Variants in C6orf132 observed in about 807,000 individuals in gnomAD.
The protein encoded by C6orf132 is chromosome 6 open reading frame 132, also known as uncharacterized protein C6orf132.
C6orf132 carries 43 observed loss-of-function variants against 65.3 expected under a neutral mutation model. The observed-to-expected ratio is 0.66, with a 90% CI of 0.52 to 0.85. C6orf132 has a LOEUF of 0.85. Ranked by LOEUF, C6orf132 falls within the 40% of genes least tolerant of loss-of-function variation. The pLI is 0.00. For missense variants in C6orf132, 1,488 were observed against 1,548.8 expected (o/e 0.96, Z 0.66); for synonymous variants, 631 against 654.1 (o/e 0.96, Z 0.54).
At position 42,105,065 on chromosome 6, in the gene C6orf132, T is replaced by C. The variant is rs987114583; in HGVS notation, c.2847A>G (p.Val949=). 5 of 1,536,536 alleles carry C rather than the reference T, an allele frequency of 3.3e-6. No homozygotes were observed. Among genetic ancestry groups the C allele is most frequent in the African/African-American group, 2.7e-5 (2 of 72,912 alleles). Residue 949 remains valine, a synonymous_variant, in exon 4 of 5, where the codon GTA becomes GTG. Transcript: ENST00000341865. ...EPQAPVAWER[V]APSNLPQGHP... ...GGCCCTGGGGGAGGTTGGAGGGAGC[T>C]ACTCTTTCCCAGGCCACAGGGGCCT...
At chr6:42,115,944 T>C (rs1189709035) in intron 2 of C6orf132, among the ~76,000 whole-genome samples, 3 of 146,936 alleles carry the variant, frequency 2.0e-5, no homozygotes, top group Non-Finnish European at 4.5e-5. Flanking sequence ...CTTTTTTTTT[T>C]TTTTTGAGAT....
In C6orf132 at chr6:42,124,606, A is replaced by T. The variant is rs2127477635; in HGVS notation, c.252+4066T>A. Reference sequence around the variant, plus strand: ...GGGTGGAGGCCTGGCCGGCTGGGACAGTGTCAGGCAGGGCTAGGCACCGGC... The same window carrying T: ...GGGTGGAGGCCTGGCCGGCTGGGACTGTGTCAGGCAGGGCTAGGCACCGGC... On this transcript the variant is annotated intron_variant, in intron 2 of 4. Transcript: ENST00000341865. This position sits in a 1 kb window ranked among gnomAD's most constrained non-coding sequence, Gnocchi z 4.0. 6.6e-6 allele frequency among the ~76,000 whole-genome samples: 1 copy of T among 152,286 alleles called. No individual in the cohort carries two copies. Among genetic ancestry groups the T allele is most frequent in the East Asian group, 1.9e-4 (1 of 5,162 alleles).
chr6:42,108,849 C>T (rs911270179), intron 3 of C6orf132, among the ~76,000 whole-genome samples: 3 of 152,066 alleles, frequency 2.0e-5, no homozygotes, highest in Non-Finnish European at 4.4e-5. Flanking sequence ...GGGGAGTGTG[C>T]GGCTCTGAAG....
At chr6:42,130,149 G>T (rs4714569) in intron 1 of C6orf132, among the ~76,000 whole-genome samples, 1 of 152,024 alleles carries the variant, frequency 6.6e-6, no homozygotes, top group Non-Finnish European at 1.5e-5. Context: ...GCTTCTCCAC[G>T]TCTCAAAAGG....
At chr6:42,115,518 C>T (rs1396544121) in intron 2 of C6orf132, among the ~76,000 whole-genome samples, 1 of 151,310 alleles carries the variant, frequency 6.6e-6, no homozygotes, top group Non-Finnish European at 1.5e-5. Context: ...TGGTGGCAGG[C>T]GCCTGTAGTC....
At position 42,103,782 on chromosome 6, in the gene C6orf132, G is replaced by A; in HGVS notation, c.3546C>T (p.Ala1182=). The change falls in exon 5 of 5, where the codon GCC becomes GCT. Residue 1182 remains alanine, a synonymous_variant. Coordinates refer to ENST00000341865, the MANE Select transcript of C6orf132 (RefSeq NM_001164446.3). ...TGGCTCAGGAGGTGGCTTTCCGATG[G>A]GCCCCTGAGCAGACATAGGAGATGG... ...RHPISYVCSG[A]HRKATS The A allele has an allele frequency of 7.0e-7, 1 of 1,432,890 alleles. No homozygotes were observed. The allele number at this position is 1,432,890 out of a possible 1,614,324, so 88.8% of individuals were successfully genotyped here.
chr6:42,134,023 C>T (rs987682264), intron 1 of C6orf132, among the ~76,000 whole-genome samples: 1 of 152,178 alleles, frequency 6.6e-6, no homozygotes, highest in African/African-American at 2.4e-5. Context: ...GAGAACCTGG[C>T]TCTGCCATGG....
At position 42,103,693 on chromosome 6, in the gene C6orf132, C is replaced by CA. The variant is rs1025988839; in HGVS notation, c.*67dup. 3 of 1,071,108 alleles carry CA rather than the reference C, an allele frequency of 2.8e-6. No individual in the cohort carries two copies. Among genetic ancestry groups the CA allele is most frequent in the Non-Finnish European group, 3.7e-6 (3 of 819,560 alleles). The allele number at this position is 1,071,108 out of a possible 1,614,324, so 66.4% of individuals were successfully genotyped here. On this transcript the variant is annotated 3_prime_UTR_variant, in exon 5 of 5. Transcript: ENST00000341865. ...CACCTGCTGTGTACCTCCCACCCCC[C>CA]ACAAGAAACAAGTGCCCAGATCCTT...
At chr6:42,115,135 C>A (rs895551306) in intron 2 of C6orf132, among the ~76,000 whole-genome samples, 1 of 149,734 alleles carries the variant, frequency 6.7e-6, no homozygotes, top group African/African-American at 2.5e-5. Context: ...ACTAAAAATA[C>A]AAAAATTAGC....
At position 42,104,595 on chromosome 6, in the gene C6orf132, G is replaced by A. The variant is rs1265867210; in HGVS notation, c.3317C>T (p.Ser1106Leu). Residue 1106 changes from serine to leucine, a missense_variant, in exon 4 of 5, where the codon TCG becomes TTG. Physicochemically the swap from Ser to Leu is moderately radical, Grantham distance 145. Transcript: ENST00000341865. This position sits in a 1 kb window ranked among gnomAD's most constrained non-coding sequence, Gnocchi z 4.1. ...GCCTCCGGGGGGCGCGCGACCCGCC[G>A]AGTTCACGCGCCGCATCTCGGGGCC... ...PGGPEMRRVN[S>L]AGRAPPGGLH... is the part of the protein sequence containing the mutation. The A allele has an allele frequency of 2.2e-6, 3 of 1,333,610 alleles. No individual in the cohort carries two copies. Among genetic ancestry groups the A allele is most frequent in the Non-Finnish European group, 2.9e-6 (3 of 1,047,554 alleles). The allele number at this position is 1,333,610 out of a possible 1,614,324, so 82.6% of individuals were successfully genotyped here.
chr6:42,122,393 G>A (rs1766702470), intron 2 of C6orf132, among the ~76,000 whole-genome samples: 1 of 152,212 alleles, frequency 6.6e-6, no homozygotes, highest in African/African-American at 2.4e-5. Context: ...TTCCTGAGGG[G>A]GCACACATCT....
rs1475498724 is a variant in C6orf132 at position 42,106,988 on chromosome 6, G to A, written c.924C>T (p.Thr308=). Residue 308 remains threonine (T), a synonymous_variant, in exon 4 of 5, where the codon ACC becomes ACT. Transcript: ENST00000341865. ...FPRSFKVPPP[T]PVRTSSIPVQ... Reference sequence around the variant, plus strand: ...CTGGGATGGACGAAGTCCTGACTGGGGTTGGGGGAGGCACTTTGAAAGAAC... The same window carrying A: ...CTGGGATGGACGAAGTCCTGACTGGAGTTGGGGGAGGCACTTTGAAAGAAC... 6.5e-7 allele frequency: 1 copy of A among 1,535,770 alleles called. No homozygotes were observed. The highest frequency in any genetic ancestry group is 8.7e-7 in the Non-Finnish European group (1 of 1,146,208).
intron 2 of C6orf132, among the ~76,000 whole-genome samples, chr6:42,112,842 G>A (rs1290610578): frequency 6.6e-6 from 1 of 152,168 alleles, no homozygotes; most frequent in Non-Finnish European, 1.5e-5. Context: ...ACTCAAGGTC[G>A]ATGTTACAGA....
intron 2 of C6orf132, among the ~76,000 whole-genome samples, chr6:42,113,247 C>T (rs1404131697): frequency 6.6e-6 from 1 of 152,206 alleles, no homozygotes; most frequent in African/African-American, 2.4e-5. Flanking sequence ...TTAATTTCAA[C>T]ATAATTGAAA....
At chr6:42,128,643 C>CTCCAACCTCAGAGCAGA in intron 2 of C6orf132, 29 bp downstream of exon 2, 1 of 1,529,678 alleles carries the variant, frequency 6.5e-7, no homozygotes, top group Non-Finnish European at 8.9e-7. Context: ...AGAGCAGACT[C>CTCCAACCTCAGAGCAGA]TCCAACCTCA....
intron 2 of C6orf132, among the ~76,000 whole-genome samples, chr6:42,125,386 C>T (rs147273042): frequency 1.3e-5 from 2 of 152,296 alleles, no homozygotes; most frequent in East Asian, 1.9e-4. Flanking sequence ...GCTTTGTTAA[C>T]ACACATGGTC....
rs113527767 is a variant in C6orf132 at position 42,104,763 on chromosome 6, C to A, written c.3149G>T (p.Gly1050Val). The change falls in exon 4 of 5, where the codon GGC becomes GTC. Residue 1050 changes from glycine to valine, a missense_variant. Physicochemically the swap from Gly to Val is moderately radical, Grantham distance 109. Coordinates refer to ENST00000341865, the MANE Select transcript of C6orf132 (RefSeq NM_001164446.3). The surrounding 1 kb of genome is among the most constrained non-coding windows in gnomAD (Gnocchi z 4.1). ...PAGARYAGAG[G>V]LERFSGGGRS... ...GCCCCCTCCCGAGAAGCGCTCCAGG[C>A]CCCCAGCCCCGGCGTAGCGCGCGCC... 120 of 1,513,260 alleles carry A rather than the reference C, an allele frequency of 7.9e-5. No homozygotes were observed. The highest frequency in any genetic ancestry group is 3.1e-4 in the Admixed American group (14 of 45,796). 93.7% of individuals were successfully genotyped at this position (1,513,260 alleles called of 1,614,324 possible).
chr6:42,132,863 A>AAAAAAAAG (rs1766874971), intron 1 of C6orf132, among the ~76,000 whole-genome samples: 2 of 149,966 alleles, frequency 1.3e-5, no homozygotes, highest in Non-Finnish European at 3.0e-5. Context: ...TCTCAAAAAA[A>AAAAAAAAG]AAAAAGAAAA....
At position 42,110,291 on chromosome 6, in the gene C6orf132, T is replaced by C; in HGVS notation, c.253A>G (p.Asn85Asp). The C allele has an allele frequency of 6.5e-7, 1 of 1,546,462 alleles. No homozygotes were observed. The highest frequency in any genetic ancestry group is 1.2e-5 in the South Asian group (1 of 82,978). ...GCCAGCCCATGGTTTTCCTGGGCAT[T>C]CTGAAAGAGACCAGAAAGAAATCAG... ...VRPLLTFLPL[N>D]AQENHGLAVP... Residue 85 changes from asparagine (N) to aspartate (D), a missense_variant and splice_region_variant, in exon 3 of 5, where the codon AAT becomes GAT. Asn to Asp is a conservative substitution (Grantham distance 23). Coordinates refer to ENST00000341865, the MANE Select transcript of C6orf132 (RefSeq NM_001164446.3).
Sources: gnomAD v4.1 joint callset for allele counts (sites outside exome capture counted in the v4.1 genomes callset) on GRCh38, gnomAD v4.1.1 for gene constraint, Gnocchi (gnomAD v3.1) non-coding constraint, MANE v1.5 for transcripts, NCBI Gene and HGNC (gene_info 2026-07-23, HGNC 2026-07-21) for gene names.